FSTL5: variants seen among roughly 807,000 people sequenced by gnomAD.
FSTL5 encodes the protein follistatin like 5, also known as follistatin-related protein 5.
In FSTL5, 62 loss-of-function variants were observed where a neutral mutation model predicts 89.1. The ratio of observed to expected loss-of-function variants is 0.70; its 90% confidence interval spans 0.57 to 0.86. The LOEUF (loss-of-function observed/expected upper bound fraction) is 0.86, where lower values mean the gene tolerates loss of function less well. Among genes scored for constraint, FSTL5 ranks in the 40% least tolerant of loss-of-function variants. The pLI is 0.00. For synonymous variants in FSTL5, 383 were observed against 346.2 expected (o/e 1.11, Z -1.18); for missense variants, 1,057 against 1,001.6 (o/e 1.06, Z -0.75).
chr4:162,016,352 G>A (rs1736915334), intron 3 of FSTL5, among the ~76,000 whole-genome samples: 1 of 152,060 alleles, frequency 6.6e-6, no homozygotes, highest in African/African-American at 2.4e-5. Flanking sequence ...CTGAAAAAGA[G>A]GCACACAAAA....
At chr4:161,908,618 A>T (rs1489745635) in intron 4 of FSTL5, among the ~76,000 whole-genome samples, 1 of 152,110 alleles carries the variant, frequency 6.6e-6, no homozygotes, top group Non-Finnish European at 1.5e-5. Context: ...CACATTGGCT[A>T]AGTCAATCTA....
chr4:161,777,243 G>GTATGTATATA (rs1553965045), intron 4 of FSTL5, among the ~76,000 whole-genome samples: 1 of 144,972 alleles, frequency 6.9e-6, no homozygotes, highest in Non-Finnish European at 1.5e-5. Context: ...ATTTCATTGT[G>GTATGTATATA]TATATATATA....
chr4:161,962,811 T>C (rs1031285926), intron 3 of FSTL5, among the ~76,000 whole-genome samples: 1 of 152,014 alleles, frequency 6.6e-6, no homozygotes, highest in South Asian at 2.1e-4. Flanking sequence ...GGCATGTTCA[T>C]AGAACTAAAG....
intron 7 of FSTL5, among the ~76,000 whole-genome samples, chr4:161,597,973 AAG>A (rs140372543): frequency 0.013 from 1,963 of 152,324 alleles, 51 homozygotes; most frequent in African/African-American, 0.045. Flanking sequence ...AAAGGTATTA[AAG>A]AGTATCTTAC....
rs923170932 is a variant in FSTL5 at position 161,638,402 on chromosome 4, G to A, written c.894+17926C>T. Among the ~76,000 whole-genome samples the A allele has an allele frequency of 5.9e-5, 9 of 152,058 alleles. No individual in the cohort carries two copies. The East Asian group carries it at 7.7e-4, about 13-fold the overall frequency. ...GGTTTTCTAGATATACAACCATGTCGTCTGCAAACAGGGACAATTTCACTT... is the reference window on the plus strand; with the variant it reads ...GGTTTTCTAGATATACAACCATGTCATCTGCAAACAGGGACAATTTCACTT... On this transcript the variant is annotated intron_variant, in intron 7 of 15. Transcript: ENST00000306100.
At chr4:161,571,528 T>C (rs1022104757) in intron 8 of FSTL5, among the ~76,000 whole-genome samples, 2 of 151,684 alleles carry the variant, frequency 1.3e-5, no homozygotes, top group Non-Finnish European at 2.9e-5. Flanking sequence ...AAATAAAGAA[T>C]GGAACAATTA....
chr4:162,156,660 C>T (rs1733485835), intron 1 of FSTL5, among the ~76,000 whole-genome samples: 1 of 152,124 alleles, frequency 6.6e-6, no homozygotes, highest in Non-Finnish European at 1.5e-5. Flanking sequence ...CCAAGTATCC[C>T]ATGTTCTCAG....
chr4:161,494,939 G>A (rs1730011581), intron 12 of FSTL5, among the ~76,000 whole-genome samples: 1 of 151,984 alleles, frequency 6.6e-6, no homozygotes, highest in Non-Finnish European at 1.5e-5. Context: ...GTGTGCACTT[G>A]TAATTTCAGC....
intron 1 of FSTL5, among the ~76,000 whole-genome samples, chr4:162,161,043 C>T (rs941485764): frequency 2.6e-5 from 4 of 151,892 alleles, no homozygotes; most frequent in African/African-American, 9.6e-5. Flanking sequence ...AAATTGAGCA[C>T]GTCATGTAAT....
chr4:161,723,896 C>CA (rs891315436), intron 6 of FSTL5, among the ~76,000 whole-genome samples: 13 of 151,846 alleles, frequency 8.6e-5, no homozygotes, highest in Non-Finnish European at 1.6e-4. Context: ...ATTCTACACA[C>CA]AAAAAAAATT....
chr4:161,897,001 C>T (rs997139049), intron 4 of FSTL5, among the ~76,000 whole-genome samples: 9 of 151,966 alleles, frequency 5.9e-5, no homozygotes, highest in Non-Finnish European at 1.0e-4. Context: ...GGCACAATCT[C>T]GGCTCACTGC....
intron 7 of FSTL5, among the ~76,000 whole-genome samples, chr4:161,649,974 T>C (rs1736280204): frequency 6.6e-6 from 1 of 152,184 alleles, no homozygotes; most frequent in African/African-American, 2.4e-5. Context: ...CTTGGAATGC[T>C]AGAGAAAAAG....
intron 10 of FSTL5, among the ~76,000 whole-genome samples, chr4:161,531,689 A>T (rs1038293362): frequency 1.4e-4 from 21 of 152,282 alleles, no homozygotes; most frequent in South Asian, 1.2e-3. Context: ...ACTAAATAAT[A>T]AAAGGTATAC....
At position 161,832,749 on chromosome 4, in the gene FSTL5, C is replaced by T. The variant is rs1214866907; in HGVS notation, c.410-56675G>A. ...ATATCCCCTTTATCATTTTTTATTGCATCTATTTGATTCTTCTCTCTTTTC... is the reference window on the plus strand; with the variant it reads ...ATATCCCCTTTATCATTTTTTATTGTATCTATTTGATTCTTCTCTCTTTTC... On this transcript the variant is annotated intron_variant, in intron 4 of 15. Transcript: ENST00000306100. Among the ~76,000 whole-genome samples, 8 of 151,734 alleles carry T rather than the reference C, an allele frequency of 5.3e-5. No individual in the cohort carries two copies. In the East Asian group the frequency reaches 1.5e-3, roughly 29 times the overall value.
intron 4 of FSTL5, among the ~76,000 whole-genome samples, chr4:161,895,976 C>T (rs1001268573): frequency 6.6e-6 from 1 of 152,104 alleles, no homozygotes; most frequent in Admixed American, 6.6e-5. Context: ...TTGGGCTTTA[C>T]CAAAGTCACA....
At chr4:162,040,519 A>G (rs1207765377) in intron 2 of FSTL5, among the ~76,000 whole-genome samples, 2 of 152,102 alleles carry the variant, frequency 1.3e-5, no homozygotes, top group Non-Finnish European at 2.9e-5. Flanking sequence ...CAATTAAATT[A>G]TAAAAATGCC....
intron 3 of FSTL5, among the ~76,000 whole-genome samples, chr4:162,026,304 C>CTTTTATTTTTTTTTTTTTTTTT (rs1737281823): frequency 1.3e-5 from 1 of 79,474 alleles, no homozygotes; most frequent in Admixed American, 2.2e-4. Context: ...TATGTATTTT[C>CTTTTATTTTTTTTTTTTTTTTT]TTTTTTTTTT....
chr4:161,680,884 G>T (rs2126708337), intron 6 of FSTL5, among the ~76,000 whole-genome samples: 1 of 152,064 alleles, frequency 6.6e-6, no homozygotes, highest in Non-Finnish European at 1.5e-5. Context: ...AGATTCAAGT[G>T]AATTCCATGT....
chr4:162,161,708 TATA>T (rs1733702751), intron 1 of FSTL5, among the ~76,000 whole-genome samples: 1 of 151,896 alleles, frequency 6.6e-6, no homozygotes, highest in South Asian at 2.1e-4. Context: ...TTTGAGTAAA[TATA>T]ATGTTTATAT....
Sources: gnomAD v4.1 joint callset for allele counts (sites outside exome capture counted in the v4.1 genomes callset) on GRCh38, gnomAD v4.1.1 for gene constraint, MANE v1.5 for transcripts, NCBI Gene and HGNC (gene_info 2026-07-23, HGNC 2026-07-21) for gene names.